RIMBP2: variants seen among roughly 807,000 people sequenced by gnomAD.
RIMBP2 encodes RIMS-binding protein 2.
A neutral mutation model predicts 118.6 loss-of-function variants in RIMBP2; 48 were observed. The observed-to-expected ratio is 0.40, with a 90% CI of 0.32 to 0.51. The LOEUF (loss-of-function observed/expected upper bound fraction) is 0.51. RIMBP2 is among the 20% of genes least tolerant of loss of function. The pLI is 0.41. For synonymous variants in RIMBP2, 762 were observed against 742.9 expected (o/e 1.03, Z -0.42); for missense variants, 1,551 against 1,768.3 (o/e 0.88, Z 2.20).
In RIMBP2 at chr12:130,475,066, T is replaced by C. The variant is rs1325821359; in HGVS notation, c.102+3846A>G. 6.6e-6 allele frequency among the ~76,000 whole-genome samples: 1 copy of C among 152,180 alleles called. No homozygotes were observed. Among genetic ancestry groups the C allele is most frequent in the African/African-American group, 2.4e-5 (1 of 41,450 alleles). ...GCGTGGGTCCTGGCTTGGCTGCCTT[T>C]TGCCTTTTTAAACTGTGTCTCTGCT... On this transcript the variant is annotated intron_variant, in intron 5 of 22. Coordinates refer to ENST00000690449, the MANE Select transcript of RIMBP2 (RefSeq NM_001393629.1). This position sits in a 1 kb window ranked among gnomAD's most constrained non-coding sequence, Gnocchi z 4.1.
Position 130,433,321 on chromosome 12 carries a change from G to A in RIMBP2, c.2253+1413C>T, listed in dbSNP as rs1003786756. On this transcript the variant is annotated intron_variant, in intron 14 of 22. Transcript: ENST00000690449. Reference sequence around the variant, plus strand: ...CGCCCCATGTGCGGTGCACACAGAGGATGCTACAGATATGTCTACTCACTG... The same window carrying A: ...CGCCCCATGTGCGGTGCACACAGAGAATGCTACAGATATGTCTACTCACTG... 2.6e-5 allele frequency among the ~76,000 whole-genome samples: 4 copies of A among 152,154 alleles called. No homozygotes were observed. In the East Asian group the frequency reaches 7.7e-4, roughly 29 times the overall value.
intron 1 of RIMBP2, among the ~76,000 whole-genome samples, chr12:130,664,474 C>T (rs894637685): frequency 1.3e-4 from 19 of 151,186 alleles, no homozygotes; most frequent in African/African-American, 2.2e-4. Context: ...CACACACGCA[C>T]GCACACGCAT....
chr12:130,409,634 C>T (rs910833769), intron 19 of RIMBP2, among the ~76,000 whole-genome samples: 6 of 152,148 alleles, frequency 3.9e-5, no homozygotes, highest in Non-Finnish European at 8.8e-5. Flanking sequence ...TGAGCCACTG[C>T]GCCCGGCCCA....
In RIMBP2 at chr12:130,703,826, AGAGAGAGATC is replaced by A. The variant is rs1289355453; in HGVS notation, c.-352+12386_-352+12395del. On this transcript the variant is annotated intron_variant, in intron 1 of 22. Coordinates refer to ENST00000690449, the MANE Select transcript of RIMBP2 (RefSeq NM_001393629.1). This position sits in a 1 kb window ranked among gnomAD's most constrained non-coding sequence, Gnocchi z 5.7. Reference sequence around the variant, plus strand: ...AACAGCTTAGGAAATACAGAGAGAGAGAGAGAGATCGATCTAGAAGCACGGAGGGAACCCT... The same window carrying A: ...AACAGCTTAGGAAATACAGAGAGAGAGATCTAGAAGCACGGAGGGAACCCT... 7.0e-6 allele frequency among the ~76,000 whole-genome samples: 1 copy of A among 142,196 alleles called. No individual in the cohort carries two copies. Among genetic ancestry groups the A allele is most frequent in the Non-Finnish European group, 1.5e-5 (1 of 65,772 alleles). The allele number at this position is 142,196 out of a possible 152,430, so 93.3% of individuals were successfully genotyped here. A position where few individuals can be genotyped will look rare whatever the true frequency, so the allele number is the denominator to read the frequency against.
At chr12:130,439,443 GGGTGTGGGT>G (rs1382010504) in intron 11 of RIMBP2, among the ~76,000 whole-genome samples, 7 of 144,258 alleles carry the variant, frequency 4.9e-5, no homozygotes, top group Non-Finnish European at 1.0e-4. Context: ...GTGGGTGTGT[GGGTGTGGGT>G]GTGTGGGTGT....
At chr12:130,429,364 T>G (rs1296103969) in intron 14 of RIMBP2, 1 of 152,182 alleles carries the variant, frequency 6.6e-6, no homozygotes, top group East Asian at 1.9e-4. Flanking sequence ...CATGCCAGCT[T>G]GGAGACAGCG....
chr12:130,613,725 A>G (rs1266665155), intron 2 of RIMBP2, among the ~76,000 whole-genome samples: 1 of 150,932 alleles, frequency 6.6e-6, no homozygotes, highest in African/African-American at 2.4e-5. Context: ...GAGGCAGGAG[A>G]ATCGCTTGAA....
chr12:130,489,859 G>A (rs1185106584), intron 4 of RIMBP2, among the ~76,000 whole-genome samples: 4 of 152,162 alleles, frequency 2.6e-5, no homozygotes, highest in African/African-American at 9.7e-5. Context: ...CAAAATGCGT[G>A]TCTTAAAAGT....
At chr12:130,712,004 T>G (rs1156638066) in intron 1 of RIMBP2, among the ~76,000 whole-genome samples, 1 of 152,186 alleles carries the variant, frequency 6.6e-6, no homozygotes, top group Non-Finnish European at 1.5e-5. Context: ...CATCTAATCA[T>G]AGAAGAGAGG....
At position 130,628,315 on chromosome 12, in the gene RIMBP2, G is replaced by A. The variant is rs190904307; in HGVS notation, c.-217+7C>T. ...TACTGCTTCTGAGAAAAGAAAGGAC[G>A]ACTTACCACAAAGTTTCTCTGCTGA... On this transcript the variant is annotated splice_region_variant and intron_variant, in intron 2 of 22. Transcript: ENST00000690449. 28 of 152,288 alleles carry A rather than the reference G, an allele frequency of 1.8e-4. No individual in the cohort carries two copies. The highest frequency in any genetic ancestry group is 6.0e-4 in the African/African-American group (25 of 41,562). The allele number at this position is 152,288 out of a possible 1,614,324, so 9.4% of individuals were successfully genotyped here. A position where few individuals can be genotyped will look rare whatever the true frequency, so the allele number is the denominator to read the frequency against.
chr12:130,510,672 T>C (rs749849499), intron 3 of RIMBP2, among the ~76,000 whole-genome samples: 45 of 152,220 alleles, frequency 3.0e-4, no homozygotes, highest in Non-Finnish European at 6.0e-4. Flanking sequence ...TTTTGTCATG[T>C]TGGCCAGGCT....
At chr12:130,411,348 C>T (rs1246278077) in intron 19 of RIMBP2, among the ~76,000 whole-genome samples, 1 of 152,100 alleles carries the variant, frequency 6.6e-6, no homozygotes, top group Non-Finnish European at 1.5e-5. Context: ...GGTGTGACTT[C>T]CCCTCACCAT....
At chr12:130,580,907 CAG>C (rs1182698862) in intron 2 of RIMBP2, among the ~76,000 whole-genome samples, 1 of 150,830 alleles carries the variant, frequency 6.6e-6, no homozygotes, top group Non-Finnish European at 1.5e-5. Flanking sequence ...GCCCGGGAGA[CAG>C]AGTGAGACCC....
chr12:130,506,588 C>T, intron 4 of RIMBP2, 60 bp downstream of exon 4: 3 of 984,576 alleles, frequency 3.0e-6, no homozygotes, highest in Non-Finnish European at 2.4e-6. Flanking sequence ...GCAGCCCCTC[C>T]TTCCTCACAC....
intron 4 of RIMBP2, among the ~76,000 whole-genome samples, chr12:130,486,361 C>A (rs972416251): frequency 9.9e-5 from 15 of 152,152 alleles, no homozygotes; most frequent in African/African-American, 3.6e-4. Flanking sequence ...TCTCTAAATC[C>A]TGGAGGGGCC....
intron 1 of RIMBP2, chr12:130,658,433 G>A (rs1222756911): frequency 6.6e-6 from 1 of 152,160 alleles, no homozygotes; most frequent in Non-Finnish European, 1.5e-5. Flanking sequence ...AACACTCACA[G>A]TCTCTATGCT....
intron 1 of RIMBP2, among the ~76,000 whole-genome samples, chr12:130,715,887 T>G (rs1264069725): frequency 1.3e-5 from 2 of 151,930 alleles, no homozygotes; most frequent in Non-Finnish European, 2.9e-5. Flanking sequence ...GGAGGGGCCT[T>G]TCTTAAAAGC....
chr12:130,574,403 A>ATT (rs2057930140), intron 2 of RIMBP2, among the ~76,000 whole-genome samples: 1 of 151,288 alleles, frequency 6.6e-6, no homozygotes, highest in African/African-American at 2.4e-5. Context: ...GCCTAAGAAA[A>ATT]CCCCCCACAA....
intron 15 of RIMBP2, chr12:130,426,985 T>A (rs1223949425): frequency 1.3e-5 from 2 of 152,428 alleles, no homozygotes; most frequent in Non-Finnish European, 2.9e-5. Context: ...CTCCGTGGTG[T>A]CACCTGGGAG....
Sources: allele counts gnomAD v4.1 joint callset (sites outside exome capture counted in the v4.1 genomes callset), GRCh38; gene constraint gnomAD v4.1.1; non-coding constraint Gnocchi (gnomAD v3.1); transcripts MANE v1.5; gene names NCBI Gene and HGNC (gene_info 2026-07-23, HGNC 2026-07-21).